SCMH1: variants seen among roughly 807,000 people sequenced by gnomAD.
The protein encoded by SCMH1 is polycomb protein SCMH1.
Under a neutral mutation model 70.8 loss-of-function variants are expected in SCMH1, and 37 were observed. The ratio of observed to expected loss-of-function variants is 0.52; its 90% confidence interval spans 0.40 to 0.69. The LOEUF is 0.69. Ranked by LOEUF, SCMH1 falls within the 30% of genes least tolerant of loss-of-function variation. The pLI is 0.00. For missense variants in SCMH1, 607 were observed against 827.3 expected (o/e 0.73, Z 3.27); for synonymous variants, 292 against 307.4 (o/e 0.95, Z 0.52).
intron 4 of SCMH1, chr1:41,152,775 T>C (rs1235312870): frequency 6.5e-7 from 1 of 1,549,396 alleles, no homozygotes; most frequent in African/African-American, 1.4e-5. Flanking sequence ...AATGAAGAAA[T>C]CTAAATCACT....
At chr1:41,182,946 T>A (rs1396970578) in intron 2 of SCMH1, among the ~76,000 whole-genome samples, 1 of 152,230 alleles carries the variant, frequency 6.6e-6, no homozygotes, top group Non-Finnish European at 1.5e-5. Context: ...GATAGAATTC[T>A]ACACATTAAA....
chr1:41,221,120 C>T (rs1036923704), intron 1 of SCMH1, among the ~76,000 whole-genome samples: 4 of 152,054 alleles, frequency 2.6e-5, no homozygotes, highest in South Asian at 4.2e-4. Context: ...TCATCAATAC[C>T]GTATTTCAAA....
At chr1:41,180,880 A>G (rs1037051896) in intron 2 of SCMH1, among the ~76,000 whole-genome samples, 7 of 152,156 alleles carry the variant, frequency 4.6e-5, no homozygotes, top group African/African-American at 1.7e-4. Context: ...AAAAGAGCCC[A>G]CATTGCCAAG....
chr1:41,119,374 A>G (rs927850871), intron 6 of SCMH1, among the ~76,000 whole-genome samples: 3 of 151,862 alleles, frequency 2.0e-5, no homozygotes, highest in Non-Finnish European at 4.4e-5. Context: ...GGACTTTCCT[A>G]TCACTCAATC....
At chr1:41,153,007 G>A (rs970746062) in intron 4 of SCMH1, among the ~76,000 whole-genome samples, 6 of 152,316 alleles carry the variant, frequency 3.9e-5, no homozygotes, top group Admixed American at 6.5e-5. Context: ...GTTTAAAGGC[G>A]TTATCAGAAT....
intron 10 of SCMH1, among the ~76,000 whole-genome samples, chr1:41,064,988 T>C (rs1042967869): frequency 4.6e-5 from 7 of 152,188 alleles, no homozygotes; most frequent in Non-Finnish European, 8.8e-5. Flanking sequence ...TGGGTATAAG[T>C]TAAACAAAAT....
At chr1:41,196,813 T>C (rs1653127785) in intron 1 of SCMH1, among the ~76,000 whole-genome samples, 1 of 152,118 alleles carries the variant, frequency 6.6e-6, no homozygotes, top group Non-Finnish European at 1.5e-5. Flanking sequence ...AGTCTGTCGA[T>C]ATCCAAAATA....
chr1:41,062,658 G>C (rs1377782025), intron 10 of SCMH1, among the ~76,000 whole-genome samples: 1 of 151,384 alleles, frequency 6.6e-6, no homozygotes, highest in Non-Finnish European at 1.5e-5. Context: ...AGAATTGCTT[G>C]AACCCAGGAG....
At chr1:41,219,166 C>A (rs1211048691) in intron 1 of SCMH1, among the ~76,000 whole-genome samples, 1 of 152,186 alleles carries the variant, frequency 6.6e-6, no homozygotes, top group Non-Finnish European at 1.5e-5. Flanking sequence ...CACTGACATG[C>A]TAGAAGGGTG....
intron 2 of SCMH1, among the ~76,000 whole-genome samples, chr1:41,170,075 A>T (rs564493353): frequency 6.6e-6 from 1 of 152,280 alleles, no homozygotes; most frequent in South Asian, 2.1e-4. Flanking sequence ...GCAAACAGGG[A>T]GCTTCATTTC....
In SCMH1 at chr1:41,166,397, G is replaced by A. The variant is rs182296985; in HGVS notation, c.14-4965C>T. ...CTGTGAAGAATGACATTAGAATTTTGATGGCAGTTGCATTAGATCTGTAGA... is the reference window on the plus strand; with the variant it reads ...CTGTGAAGAATGACATTAGAATTTTAATGGCAGTTGCATTAGATCTGTAGA... On this transcript the variant is annotated intron_variant, in intron 2 of 14. Coordinates refer to ENST00000337495, the Ensembl canonical transcript of SCMH1. Among the ~76,000 whole-genome samples, 8 of 152,134 alleles carry A rather than the reference G, an allele frequency of 5.3e-5. No individual in the cohort carries two copies. The East Asian group carries it at 1.5e-3, about 29-fold the overall frequency.
intron 6 of SCMH1, among the ~76,000 whole-genome samples, chr1:41,121,548 G>A (rs1671951380): frequency 6.6e-6 from 1 of 152,148 alleles, no homozygotes; most frequent in African/African-American, 2.4e-5. Context: ...AGGTGGGTAA[G>A]AGGAAATCCT....
At chr1:41,122,253 C>T (rs1672130542) in intron 6 of SCMH1, among the ~76,000 whole-genome samples, 1 of 152,070 alleles carries the variant, frequency 6.6e-6, no homozygotes, top group Admixed American at 6.5e-5. Flanking sequence ...TCCCTTGTAC[C>T]CCTATTCATT....
intron 4 of SCMH1, 40 bp from the exon 5 acceptor site, chr1:41,151,724 TA>T (rs750879255): frequency 1.1e-4 from 162 of 1,467,382 alleles, no homozygotes; most frequent in Non-Finnish European, 1.3e-4. Flanking sequence ...GTCAACTTCC[TA>T]AAAAAAATGT....
At chr1:41,135,740 G>C (rs1643197277) in intron 6 of SCMH1, among the ~76,000 whole-genome samples, 1 of 152,146 alleles carries the variant, frequency 6.6e-6, no homozygotes, top group Admixed American at 6.5e-5. Context: ...TTACTCACTT[G>C]CTGTATGTGG....
At chr1:41,151,583 C>T in intron 5 of SCMH1, 31 bp downstream of exon 5, 1 of 1,556,724 alleles carries the variant, frequency 6.4e-7, no homozygotes, top group Non-Finnish European at 8.8e-7. Context: ...GACTTATCTT[C>T]CACCTACTAA....
chr1:41,237,369 T>C (rs1662598201), intron 1 of SCMH1, among the ~76,000 whole-genome samples: 1 of 152,216 alleles, frequency 6.6e-6, no homozygotes, highest in Non-Finnish European at 1.5e-5. Context: ...TAACCTAAAA[T>C]TGGCCTACAC....
chr1:41,057,598 A>G (rs1178449549), intron 10 of SCMH1, among the ~76,000 whole-genome samples: 1 of 152,086 alleles, frequency 6.6e-6, no homozygotes, highest in East Asian at 1.9e-4. Context: ...TATCACACAA[A>G]AAAGGTATAC....
At chr1:41,222,150 G>A (rs1659424592) in intron 1 of SCMH1, among the ~76,000 whole-genome samples, 1 of 151,758 alleles carries the variant, frequency 6.6e-6, no homozygotes, top group Non-Finnish European at 1.5e-5. Context: ...AGCAGAAAGT[G>A]AGGGAAGGGA....
Sources: gnomAD v4.1 joint callset for allele counts (sites outside exome capture counted in the v4.1 genomes callset) on GRCh38, gnomAD v4.1.1 for gene constraint, MANE v1.5 for transcripts, NCBI Gene and HGNC (gene_info 2026-07-23, HGNC 2026-07-21) for gene names.